Variants in TRANK1 observed in about 807,000 individuals in gnomAD.
The protein encoded by TRANK1 is TPR and ankyrin repeat-containing protein 1.
Under a neutral mutation model 266.0 loss-of-function variants are expected in TRANK1, and 198 were observed. The ratio of observed to expected loss-of-function variants is 0.74; its 90% CI spans 0.66 to 0.84. The LOEUF (loss-of-function observed/expected upper bound fraction) is 0.84, where lower values mean the gene tolerates loss of function less well. TRANK1 is among the 40% of genes least tolerant of loss of function. The pLI is 0.00. For synonymous variants in TRANK1, 1,396 were observed against 1,384.1 expected (o/e 1.01, Z -0.19); for missense variants, 3,326 against 3,634.6 (o/e 0.92, Z 2.18).
At chr3:36,859,033 C>T in intron 11 of TRANK1, 139 bp from the exon 12 acceptor site, 1 of 1,106,466 alleles carries the variant, frequency 9.0e-7, no homozygotes, top group Admixed American at 3.0e-5. Context: ...TACCAGCACC[C>T]ATTCTGGGAG....
intron 9 of TRANK1, among the ~76,000 whole-genome samples, chr3:36,866,052 A>AAAAGAAAGAAAG (rs56714482): frequency 0.035 from 4,500 of 127,800 alleles, 122 homozygotes; most frequent in East Asian, 0.051. Flanking sequence ...GACAGAAAGA[A>AAAAGAAAGAAAG]AAAGAAAGAA....
At chr3:36,902,348 T>TGTATTTTGTTTCTAGCAGTCA (rs1473797995) in intron 3 of TRANK1, among the ~76,000 whole-genome samples, 5 of 152,204 alleles carry the variant, frequency 3.3e-5, no homozygotes, top group Non-Finnish European at 7.3e-5. Flanking sequence ...CCCTTTCCAT[T>TGTATTTTGTTTCTAGCAGTCA]GTATTTTGTT....
In TRANK1 at chr3:36,899,272, A is replaced by G. The variant is rs2079840757; in HGVS notation, c.283-13T>C. On this transcript the variant is annotated splice_polypyrimidine_tract_variant and intron_variant, in intron 3 of 23. Coordinates refer to ENST00000645898, the MANE Select transcript of TRANK1 (RefSeq NM_001329998.2). ...CTCGGTAGTATCCCTGGAACAGGATAAAAAGCAAAACTGTCATGTACCACA... is the reference window on the plus strand; with the variant it reads ...CTCGGTAGTATCCCTGGAACAGGATGAAAAGCAAAACTGTCATGTACCACA... 2.6e-6 allele frequency: 4 copies of G among 1,535,834 alleles called. No individual in the cohort carries two copies. The highest frequency in any genetic ancestry group is 3.5e-6 in the Non-Finnish European group (4 of 1,146,436).
rs542757771 is a variant in TRANK1 at position 36,832,335 on chromosome 3, T to C, written c.7248A>G (p.Gln2416=). The C allele has an allele frequency of 2.5e-5, 41 of 1,614,008 alleles. No homozygotes were observed. In the East Asian group the frequency reaches 8.2e-4, roughly 32 times the overall value. The change falls in exon 22 of 24, where the codon CAA becomes CAG. Residue 2416 remains glutamine (Q), a synonymous_variant. Transcript: ENST00000645898. ...CTTCTGGGTTCCTGTACACGTAGAA[T>C]TGATCAATGCAATTCTCCAGAAGCC... ...FIRLLENCID[Q]FYVYRNPEDY... is the part of the protein sequence containing the mutation.
At chr3:36,830,074 G>A (rs2078674003) in intron 22 of TRANK1, among the ~76,000 whole-genome samples, 1 of 152,104 alleles carries the variant, frequency 6.6e-6, no homozygotes. Flanking sequence ...CAGCACCTTG[G>A]GACACCAAGG....
chr3:36,858,478 A>G (rs1384292413), intron 12 of TRANK1, among the ~76,000 whole-genome samples: 1 of 152,176 alleles, frequency 6.6e-6, no homozygotes, highest in African/African-American at 2.4e-5. Flanking sequence ...TTCAGCTACC[A>G]ACAGCCAACT....
intron 1 of TRANK1, among the ~76,000 whole-genome samples, chr3:36,937,755 C>T (rs1422806298): frequency 2.0e-5 from 3 of 152,154 alleles, no homozygotes; most frequent in East Asian, 3.8e-4. Context: ...GCCATTTTTC[C>T]TTCATGGCCC....
intron 1 of TRANK1, among the ~76,000 whole-genome samples, chr3:36,933,791 T>C (rs1249862820): frequency 6.6e-6 from 1 of 152,230 alleles, no homozygotes; most frequent in Non-Finnish European, 1.5e-5. Flanking sequence ...CTAGTATTTG[T>C]CTGTTTTTCA....
intron 1 of TRANK1, among the ~76,000 whole-genome samples, chr3:36,938,903 T>G (rs980643050): frequency 7.9e-5 from 12 of 151,632 alleles, no homozygotes; most frequent in African/African-American, 2.9e-4. Flanking sequence ...GAGGCTGCAG[T>G]GAGCCTAGAT....
Position 36,856,544 on chromosome 3 carries a change from C to T in TRANK1, c.3178G>A (p.Ala1060Thr), listed in dbSNP as rs767034911. 49 of 1,613,872 alleles carry T rather than the reference C, an allele frequency of 3.0e-5. No individual in the cohort carries two copies. The South Asian group carries it at 4.2e-4, about 14-fold the overall frequency. Residue 1060 changes from alanine (A) to threonine (T), a missense_variant, in exon 13 of 24, where the codon GCG becomes ACG. Coordinates refer to ENST00000645898, the MANE Select transcript of TRANK1 (RefSeq NM_001329998.2). ...YPFRVGELEYAVIDLNPRPLE... is the reference protein window; with the variant it reads ...YPFRVGELEYTVIDLNPRPLE... ...GGCCTGGGATTGAGGTCGATCACCG[C>T]GTACTCAAGCTCACCCACCCGGAAG...
chr3:36,864,988 T>A (rs115689879), intron 9 of TRANK1, among the ~76,000 whole-genome samples: 64 of 151,686 alleles, frequency 4.2e-4, no homozygotes, highest in African/African-American at 1.4e-3. Context: ...GCCAAATAAA[T>A]GCTTGTTGGT....
intron 15 of TRANK1, among the ~76,000 whole-genome samples, chr3:36,849,557 GAAATATA>G (rs1412553255): frequency 5.9e-5 from 9 of 152,312 alleles, no homozygotes; most frequent in Non-Finnish European, 8.8e-5. Flanking sequence ...GAGCTTGCCT[GAAATATA>G]AATGAGATGG....
chr3:36,844,779 A>T (rs1391341079), intron 17 of TRANK1, among the ~76,000 whole-genome samples: 1 of 152,196 alleles, frequency 6.6e-6, no homozygotes, highest in Non-Finnish European at 1.5e-5. Context: ...ATCTAATCCT[A>T]GTCGCCAACC....
Position 36,938,125 on chromosome 3 carries a change from T to A in TRANK1, c.23+6662A>T, listed in dbSNP as rs115687361. 6.6e-3 allele frequency among the ~76,000 whole-genome samples: 1,001 copies of A among 152,222 alleles called. 14 individuals are homozygous for A. Among genetic ancestry groups the A allele is most frequent in the African/African-American group, 0.023 (949 of 41,526 alleles). On this transcript the variant is annotated intron_variant, in intron 1 of 23. Coordinates refer to ENST00000645898, the MANE Select transcript of TRANK1 (RefSeq NM_001329998.2). ...GGAGCTCCCCGTAGACAAAACAATC[T>A]CCCATGGACAAGGACATCTGAAGGG...
intron 9 of TRANK1, among the ~76,000 whole-genome samples, chr3:36,872,396 C>T (rs763066067): frequency 6.6e-6 from 1 of 151,130 alleles, no homozygotes; most frequent in Non-Finnish European, 1.5e-5. Flanking sequence ...AGCGAGACTT[C>T]GTCTCAAAAA....
rs2079664857 is a variant in TRANK1, at chr3:36,889,976, A to T, written c.776-16T>A. 4 of 1,535,752 alleles carry T rather than the reference A, an allele frequency of 2.6e-6. No homozygotes were observed. In the East Asian group the frequency reaches 9.8e-5, roughly 38 times the overall value. ...TGGTTTTCTCCTGAAGGGAATTAAA[A>T]TGACTTACTAATGTTTTCCACATAC... On this transcript the variant is annotated splice_polypyrimidine_tract_variant and intron_variant, in intron 7 of 23. Coordinates refer to ENST00000645898, the MANE Select transcript of TRANK1 (RefSeq NM_001329998.2).
intron 9 of TRANK1, among the ~76,000 whole-genome samples, chr3:36,870,047 T>C (rs1476051080): frequency 1.3e-5 from 2 of 152,246 alleles, no homozygotes; most frequent in Non-Finnish European, 2.9e-5. Context: ...TGATATTCAA[T>C]ATATAATTTC....
Position 36,899,157 on chromosome 3 carries a change from G to A in TRANK1, c.385C>T (p.Gln129Ter). The A allele has an allele frequency of 6.5e-7, 1 of 1,537,258 alleles. No homozygotes were observed. Reference protein sequence around the residue: ...GLRLVQRSQDQAPVADFLVGV... With the variant: ...GLRLVQRSQD ...ACAAGGAAATCAGCAACCGGTGCCT[G>A]GTCTTGGCTTCTCTGCACAAGTCGC... Residue 129 changes from glutamine (Q) to a stop codon, truncating the protein, a stop_gained, in exon 4 of 24, where the codon CAG becomes TAG. Coordinates refer to ENST00000645898, the MANE Select transcript of TRANK1 (RefSeq NM_001329998.2). LOFTEE classifies it high-confidence loss of function.
At chr3:36,917,057 C>G (rs1282004708) in intron 1 of TRANK1, among the ~76,000 whole-genome samples, 2 of 152,140 alleles carry the variant, frequency 1.3e-5, no homozygotes, top group Non-Finnish European at 2.9e-5. Flanking sequence ...CTCAAATGAC[C>G]TGTCCACCTC....
Sources: allele counts gnomAD v4.1 joint callset (sites outside exome capture counted in the v4.1 genomes callset), GRCh38; gene constraint gnomAD v4.1.1; transcripts MANE v1.5; gene names NCBI Gene and HGNC (gene_info 2026-07-23, HGNC 2026-07-21).